KIAA1217: variants seen among roughly 807,000 people sequenced by gnomAD.
KIAA1217 encodes KIAA1217, also known as sickle tail protein homolog.
Under a neutral mutation model 163.9 loss-of-function variants are expected in KIAA1217, and 88 were observed. The ratio of observed to expected loss-of-function variants is 0.54; its 90% CI spans 0.45 to 0.64. KIAA1217 has a LOEUF of 0.64. Ranked by LOEUF, KIAA1217 falls within the 30% of genes least tolerant of loss-of-function variation. The pLI, the probability that KIAA1217 is intolerant of heterozygous loss-of-function variation, is 0.00. For missense variants in KIAA1217, 2,372 were observed against 2,475.0 expected (o/e 0.96, Z 0.88); for synonymous variants, 903 against 923.1 (o/e 0.98, Z 0.39).
intron 1 of KIAA1217, among the ~76,000 whole-genome samples, chr10:23,974,615 A>G (rs975809642): frequency 6.6e-6 from 1 of 152,108 alleles, no homozygotes; most frequent in African/African-American, 2.4e-5. Flanking sequence ...ATTGCCCAGG[A>G]ACTTGAGACC....
At chr10:24,249,353 G>A (rs2074218653) in intron 2 of KIAA1217, among the ~76,000 whole-genome samples, 1 of 152,182 alleles carries the variant, frequency 6.6e-6, no homozygotes, top group Non-Finnish European at 1.5e-5. Flanking sequence ...AAAGGGGGTA[G>A]AATTGAGCCC....
intron 6 of KIAA1217, among the ~76,000 whole-genome samples, chr10:24,486,531 CCCTT>C (rs2065423867): frequency 6.6e-6 from 1 of 152,160 alleles, no homozygotes; most frequent in Non-Finnish European, 1.5e-5. Context: ...AATCACCCTC[CCCTT>C]CCTTCCTTCA....
At chr10:23,903,843 G>A (rs1252945952) in intron 1 of KIAA1217, among the ~76,000 whole-genome samples, 1 of 152,010 alleles carries the variant, frequency 6.6e-6, no homozygotes. Flanking sequence ...TTGGGAACTG[G>A]GATAGCTTCC....
intron 1 of KIAA1217, among the ~76,000 whole-genome samples, chr10:23,929,477 T>C (rs1315336270): frequency 6.6e-6 from 1 of 152,130 alleles, no homozygotes; most frequent in Non-Finnish European, 1.5e-5. Flanking sequence ...CTTCCTCACT[T>C]TTGGAGTCCC....
chr10:23,923,185 C>T (rs1408505656), intron 1 of KIAA1217, among the ~76,000 whole-genome samples: 1 of 152,176 alleles, frequency 6.6e-6, no homozygotes, highest in Non-Finnish European at 1.5e-5. Context: ...TCAGTGAGAA[C>T]ATACAATGTT....
At chr10:23,823,931 G>A (rs539052841) in intron 1 of KIAA1217, among the ~76,000 whole-genome samples, 2 of 151,680 alleles carry the variant, frequency 1.3e-5, no homozygotes, top group African/African-American at 4.8e-5. Context: ...AAGAGAGGGG[G>A]GGAAAGGAAG....
intron 2 of KIAA1217, among the ~76,000 whole-genome samples, chr10:24,061,564 A>G (rs1488962164): frequency 6.6e-6 from 1 of 152,176 alleles, no homozygotes; most frequent in Non-Finnish European, 1.5e-5. Context: ...TATTTCTTGT[A>G]AGGCAGGTAA....
chr10:23,839,614 T>C (rs890112733), intron 1 of KIAA1217, among the ~76,000 whole-genome samples: 8 of 152,172 alleles, frequency 5.3e-5, no homozygotes, highest in African/African-American at 1.9e-4. Context: ...TGAGGAAGGA[T>C]CTTCTGCCTC....
chr10:24,501,731 T>TC (rs1181608899), intron 9 of KIAA1217, among the ~76,000 whole-genome samples, 186 bp downstream of exon 9: 1 of 23,982 alleles, frequency 4.2e-5, no homozygotes, highest in Admixed American at 3.1e-4. Context: ...AACCACTTCT[T>TC]TTTTTTTTTT....
intron 2 of KIAA1217, among the ~76,000 whole-genome samples, chr10:24,194,244 T>C (rs1403019990): frequency 2.0e-5 from 3 of 150,742 alleles, no homozygotes. Context: ...ACCAAACCTA[T>C]GAAACCTTTC....
intron 1 of KIAA1217, among the ~76,000 whole-genome samples, chr10:23,884,371 TG>T (rs1437819652): frequency 9.2e-5 from 14 of 151,966 alleles, no homozygotes; most frequent in Non-Finnish European, 1.8e-4. Flanking sequence ...ATGATGTAGG[TG>T]GCAACTTTTC....
intron 3 of KIAA1217, among the ~76,000 whole-genome samples, chr10:24,404,879 T>C (rs1236076838): frequency 3.3e-5 from 5 of 152,214 alleles, no homozygotes; most frequent in Admixed American, 2.0e-4. Context: ...AGCCAGTCTC[T>C]AAAGTTTACA....
At chr10:24,186,594 A>G (rs2066440658) in intron 2 of KIAA1217, among the ~76,000 whole-genome samples, 1 of 152,168 alleles carries the variant, frequency 6.6e-6, no homozygotes, top group African/African-American at 2.4e-5. Context: ...TCTCCCATCT[A>G]TACATTTTTA....
intron 2 of KIAA1217, among the ~76,000 whole-genome samples, chr10:24,370,511 C>A (rs748495562): frequency 2.0e-5 from 3 of 152,086 alleles, no homozygotes; most frequent in Non-Finnish European, 4.4e-5. Flanking sequence ...ATTGTTCGTG[C>A]CTTTATAAAA....
intron 1 of KIAA1217, among the ~76,000 whole-genome samples, chr10:23,889,337 G>A (rs1020099166): frequency 2.0e-5 from 3 of 151,732 alleles, no homozygotes; most frequent in Admixed American, 1.3e-4. Context: ...TTTGTTATGG[G>A]CATTTTAATG....
At chr10:24,106,895 C>T (rs2062653540) in intron 2 of KIAA1217, among the ~76,000 whole-genome samples, 1 of 152,078 alleles carries the variant, frequency 6.6e-6, no homozygotes, top group Non-Finnish European at 1.5e-5. Flanking sequence ...TTCTTTCCAA[C>T]TTTTAGGTTC....
At chr10:24,382,833 GTTTTTCTTTTCTTTTT>G (rs1181294766) in intron 3 of KIAA1217, among the ~76,000 whole-genome samples, 1 of 124,936 alleles carries the variant, frequency 8.0e-6, no homozygotes, top group Non-Finnish European at 1.5e-5. Context: ...GAAATTTGTG[GTTTTTCTTTTCTTTTT>G]TTTTTTTTTT....
At chr10:23,847,000 T>G (rs1316581415) in intron 1 of KIAA1217, among the ~76,000 whole-genome samples, 1 of 152,138 alleles carries the variant, frequency 6.6e-6, no homozygotes, top group East Asian at 1.9e-4. Context: ...AATCATGTGG[T>G]TTTTGTCATT....
At chr10:24,034,562 C>CA (rs773055132) in intron 2 of KIAA1217, among the ~76,000 whole-genome samples, 29,156 of 110,108 alleles carry the variant, frequency 0.26, 4,107 homozygotes, top group Middle Eastern at 0.44. Context: ...GACCCTGTCT[C>CA]AAAAAAAAAA....
Sources: allele counts gnomAD v4.1 joint callset (sites outside exome capture counted in the v4.1 genomes callset), GRCh38; gene constraint gnomAD v4.1.1; transcripts MANE v1.5; gene names NCBI Gene and HGNC (gene_info 2026-07-23, HGNC 2026-07-21).